AACS: variants seen among roughly 807,000 people sequenced by gnomAD.
The protein encoded by AACS is acetoacetate-CoA ligase.
In AACS, 69 loss-of-function variants were observed where a neutral mutation model predicts 83.1. That is an observed-to-expected ratio of 0.83 (90% CI 0.68 to 1.01). The LOEUF (loss-of-function observed/expected upper bound fraction) is 1.01, where lower values mean the gene tolerates loss of function less well. AACS is among the 50% of genes least tolerant of loss of function. The pLI is 0.00. For missense variants in AACS, 866 were observed against 882.2 expected (o/e 0.98, Z 0.23); for synonymous variants, 333 against 343.4 (o/e 0.97, Z 0.33).
intron 3 of AACS, among the ~76,000 whole-genome samples, chr12:125,080,316 G>A (rs904097497): frequency 1.2e-4 from 18 of 152,102 alleles, no homozygotes; most frequent in African/African-American, 4.1e-4. Flanking sequence ...ACGGTCAAAT[G>A]TGAATCCTTA....
chr12:125,113,104 C>T lies in AACS; in HGVS notation c.916-1373C>T, dbSNP rs888001261. Among the ~76,000 whole-genome samples, 1 of 152,142 alleles carries T rather than the reference C, an allele frequency of 6.6e-6. No homozygotes were observed. The highest frequency in any genetic ancestry group is 2.4e-5 in the African/African-American group (1 of 41,428). ...TTGCTGCTGTTTGTGGGCTGGGTGGCGGTTGCCTGTTTGGGATGGACTCCG... is the reference window on the plus strand; with the variant it reads ...TTGCTGCTGTTTGTGGGCTGGGTGGTGGTTGCCTGTTTGGGATGGACTCCG... On this transcript the variant is annotated intron_variant, in intron 8 of 17. Transcript: ENST00000316519. This position sits in a 1 kb window ranked among gnomAD's most constrained non-coding sequence, Gnocchi z 4.8.
intron 7 of AACS, 46 bp downstream of exon 7, chr12:125,103,127 A>C (rs770209591): frequency 5.4e-5 from 84 of 1,544,786 alleles, no homozygotes; most frequent in Non-Finnish European, 2.5e-5. Context: ...GACCCACTGG[A>C]GCTCCTGCGG....
Position 125,122,217 on chromosome 12 carries a change from G to A in AACS, c.1122-2488G>A, listed in dbSNP as rs184069282. The A allele has an allele frequency of 3.4e-3, 523 of 152,368 alleles. 11 individuals carry two copies. In the South Asian group the frequency reaches 0.039, roughly 11 times the overall value. The allele number at this position is 152,368 out of a possible 1,614,324, so 9.4% of individuals were successfully genotyped here. On this transcript the variant is annotated intron_variant, in intron 10 of 17. Transcript: ENST00000316519. ...GTGAAGGGCTGATGCGGGGCTGGGG[G>A]CAGGAGCAGGGGTCAGAGGGGCGGG...
intron 3 of AACS, among the ~76,000 whole-genome samples, chr12:125,077,658 C>T (rs1956059894): frequency 6.6e-6 from 1 of 151,966 alleles, no homozygotes; most frequent in Admixed American, 6.6e-5. Context: ...ATAAGGCCAA[C>T]ATACACAGAA....
At chr12:125,073,812 C>A in intron 1 of AACS, 64 bp from the exon 2 acceptor site, 1 of 1,338,766 alleles carries the variant, frequency 7.5e-7, no homozygotes, top group South Asian at 1.2e-5. Context: ...TGAGGTGTGT[C>A]CATCTTATTA....
At chr12:125,069,569 A>G (rs1955804099) in intron 1 of AACS, among the ~76,000 whole-genome samples, 1 of 152,206 alleles carries the variant, frequency 6.6e-6, no homozygotes, top group African/African-American at 2.4e-5. Flanking sequence ...GGTCGGCTGC[A>G]GCTCCAGCCT....
intron 8 of AACS, among the ~76,000 whole-genome samples, chr12:125,112,818 A>G (rs1046037336): frequency 6.6e-6 from 1 of 152,218 alleles, no homozygotes; most frequent in Non-Finnish European, 1.5e-5. Context: ...CATGGATGGC[A>G]GCAGGCAAAG....
At chr12:125,070,461 T>A (rs1438702425) in intron 1 of AACS, among the ~76,000 whole-genome samples, 1 of 152,140 alleles carries the variant, frequency 6.6e-6, no homozygotes, top group Non-Finnish European at 1.5e-5. Context: ...ATCATGCCAC[T>A]GCACTCCAGC....
intron 1 of AACS, among the ~76,000 whole-genome samples, chr12:125,072,914 C>CTTTTTTTTTT (rs1468407659): frequency 8.9e-6 from 1 of 112,200 alleles, no homozygotes; most frequent in African/African-American, 3.3e-5. Flanking sequence ...TACCATGTAA[C>CTTTTTTTTTT]TTTTGTTTTT....
At chr12:125,128,311 G>T in intron 13 of AACS, 37 bp downstream of exon 13, 1 of 1,579,100 alleles carries the variant, frequency 6.3e-7, no homozygotes, top group Non-Finnish European at 8.7e-7. Context: ...CTGTGATTAG[G>T]CGTGAGTTGG....
intron 5 of AACS, among the ~76,000 whole-genome samples, chr12:125,098,025 C>G (rs1484018815): frequency 1.3e-5 from 2 of 152,182 alleles, no homozygotes; most frequent in South Asian, 2.1e-4. Flanking sequence ...ACCTTTTTAT[C>G]TTTTTCTTTT....
At chr12:125,072,637 C>T (rs929992168) in intron 1 of AACS, among the ~76,000 whole-genome samples, 3 of 152,198 alleles carry the variant, frequency 2.0e-5, no homozygotes, top group African/African-American at 7.2e-5. Flanking sequence ...TTCTCCTGTC[C>T]CTAAGGACTG....
chr12:125,089,286 G>C (rs192311811), intron 4 of AACS, among the ~76,000 whole-genome samples: 1 of 152,182 alleles, frequency 6.6e-6, no homozygotes, highest in Non-Finnish European at 1.5e-5. Context: ...GGGGAGTCGC[G>C]TGTGAATCCA....
At chr12:125,128,338 G>C (rs957758259) in intron 13 of AACS, 64 bp downstream of exon 13, 1 of 1,435,932 alleles carries the variant, frequency 7.0e-7, no homozygotes, top group East Asian at 2.4e-5. Context: ...GGGAGCGTTC[G>C]GATGTGTAAC....
At chr12:125,112,698 C>T (rs1956980508) in intron 8 of AACS, among the ~76,000 whole-genome samples, 1 of 106,968 alleles carries the variant, frequency 9.3e-6, no homozygotes, top group African/African-American at 3.9e-5. Flanking sequence ...AAAAGACATA[C>T]TGAGACTGGG....
intron 9 of AACS, among the ~76,000 whole-genome samples, chr12:125,116,986 T>C (rs897105697): frequency 6.6e-6 from 1 of 151,678 alleles, no homozygotes; most frequent in African/African-American, 2.4e-5. Context: ...ACTCTGTTGC[T>C]CAGGCTAGAG....
rs542013856 is a variant in AACS at position 125,129,597 on chromosome 12, G to A, written c.1549+137G>A. On this transcript the variant is annotated intron_variant, in intron 14 of 17. Transcript: ENST00000316519. The surrounding 1 kb of genome is among the most constrained non-coding windows in gnomAD (Gnocchi z 4.3). ...GGAGAAGCTGCTTATAGTTCATTCC[G>A]CCAGTGGGGGGATAATGAATTTTTG... 108 of 1,115,782 alleles carry A rather than the reference G, an allele frequency of 9.7e-5. 1 individual carries two copies. The South Asian group carries it at 1.5e-3, about 15-fold the overall frequency. 69.1% of individuals were successfully genotyped at this position (1,115,782 alleles called of 1,614,324 possible). A position where few individuals can be genotyped will look rare whatever the true frequency, so the allele number is the denominator to read the frequency against.
chr12:125,073,854 A>G, intron 1 of AACS, 22 bp from the exon 2 acceptor site: 2 of 1,590,526 alleles, frequency 1.3e-6, no homozygotes, highest in Non-Finnish European at 1.7e-6. Flanking sequence ...TCTAAGGTTA[A>G]TCTGAGCTAT....
rs1355863263 is a variant in AACS at position 125,142,110 on chromosome 12, A to G, written c.1900A>G (p.Lys634Glu). The G allele has an allele frequency of 6.2e-7, 1 of 1,614,090 alleles. No individual in the cohort carries two copies. Among genetic ancestry groups the G allele is most frequent in the Non-Finnish European group, 8.5e-7 (1 of 1,180,034 alleles). Residue 634 changes from lysine to glutamate, a missense_variant, in exon 18 of 18, where the codon AAA (lysine) becomes GAA (glutamate). Transcript: ENST00000316519. ...CTCGCAGTATACGCTCAACGGCAAG[A>G]AAGTGGAAGTTGCCGTCAAACAGAT... ...KGIPYTLNGK[K>E]VEVAVKQIIA...
Sources: allele counts gnomAD v4.1 joint callset (sites outside exome capture counted in the v4.1 genomes callset), GRCh38; gene constraint gnomAD v4.1.1; non-coding constraint Gnocchi (gnomAD v3.1); transcripts MANE v1.5; gene names NCBI Gene and HGNC (gene_info 2026-07-23, HGNC 2026-07-21).